The following KDM4C variants were observed in gnomAD, a reference collection of about 807,000 sequenced individuals.
KDM4C encodes the protein lysine-specific demethylase 4C.
A neutral mutation model predicts 129.3 loss-of-function variants in KDM4C; 81 were observed. That is an observed-to-expected ratio of 0.63 (90% confidence interval 0.52 to 0.75). KDM4C has a LOEUF of 0.75. KDM4C is among the 30% of genes least tolerant of loss of function. The pLI is 0.00. For missense variants in KDM4C, 1,457 were observed against 1,304.0 expected, an observed-to-expected ratio of 1.12 and a Z score of -1.81; for synonymous variants, 573 against 456.1, an observed-to-expected ratio of 1.26 and a Z score of -3.26.
At chr9:6,856,882 C>T (rs1410157833) in intron 5 of KDM4C, among the ~76,000 whole-genome samples, 8 of 151,764 alleles carry the variant, frequency 5.3e-5, no homozygotes, top group East Asian at 3.9e-4. Context: ...CTCAGCCTCC[C>T]GAGTAGCTGG....
At chr9:7,027,240 T>C (rs979250693) in intron 15 of KDM4C, among the ~76,000 whole-genome samples, 4 of 152,192 alleles carry the variant, frequency 2.6e-5, no homozygotes, top group Admixed American at 2.6e-4. Flanking sequence ...GGGAAGGCTT[T>C]CCAGGTATTT....
Position 6,865,157 on chromosome 9 carries a change from C to T in KDM4C, c.630-14855C>T, listed in dbSNP as rs189806071. Among the ~76,000 whole-genome samples the T allele has an allele frequency of 3.9e-3, 596 of 151,912 alleles. 4 individuals carry two copies. The highest frequency in any genetic ancestry group is 0.012 in the African/African-American group (510 of 41,450). ...CCGAGTAGCTGGGACTGCAGGTGCC[C>T]GCCACCACACCTGGCTAATTTTTTG... is the stretch of plus-strand genomic sequence containing the variant. On this transcript the variant is annotated intron_variant, in intron 5 of 21. Transcript: ENST00000381309.
chr9:6,802,820 T>TG (rs1829261388), intron 2 of KDM4C, among the ~76,000 whole-genome samples: 1 of 152,238 alleles, frequency 6.6e-6, no homozygotes, highest in Non-Finnish European at 1.5e-5. Context: ...TTGGCCAAGC[T>TG]GATCTTAAAC....
intron 1 of KDM4C, among the ~76,000 whole-genome samples, chr9:6,784,828 C>T (rs1825133633): frequency 6.6e-6 from 1 of 152,210 alleles, no homozygotes; most frequent in Non-Finnish European, 1.5e-5. Flanking sequence ...CTGGGGGGCC[C>T]TTTCAAGCCC....
intron 1 of KDM4C, among the ~76,000 whole-genome samples, chr9:6,773,911 T>G (rs1319676722): frequency 6.6e-6 from 1 of 151,874 alleles, no homozygotes; most frequent in Non-Finnish European, 1.5e-5. Context: ...AGGCATTTAT[T>G]TTATTTATTT....
At position 6,927,481 on chromosome 9, in the gene KDM4C, A is replaced by T. The variant is rs574025128; in HGVS notation, c.921+34249A>T. 3.9e-5 allele frequency among the ~76,000 whole-genome samples: 6 copies of T among 152,228 alleles called. No homozygotes were observed. The South Asian group carries it at 1.2e-3, about 32-fold the overall frequency. ...AGTAACTGTAGCTTCTATATTTTATAATGCTTCTGATCATGTTGACCTGTG... is the reference window on the plus strand; with the variant it reads ...AGTAACTGTAGCTTCTATATTTTATTATGCTTCTGATCATGTTGACCTGTG... On this transcript the variant is annotated intron_variant, in intron 8 of 21. Transcript: ENST00000381309.
intron 19 of KDM4C, among the ~76,000 whole-genome samples, chr9:7,138,975 T>C (rs1460338815): frequency 6.6e-6 from 1 of 152,056 alleles, no homozygotes; most frequent in Non-Finnish European, 1.5e-5. Context: ...TTTCTAGCCT[T>C]TAATTAATAA....
intron 8 of KDM4C, among the ~76,000 whole-genome samples, chr9:6,943,158 G>A (rs2131414884): frequency 6.6e-6 from 1 of 152,200 alleles, no homozygotes; most frequent in Non-Finnish European, 1.5e-5. Context: ...GATTTGTGAG[G>A]TACTGAGCCT....
At chr9:6,814,343 A>T (rs1482289498) in intron 3 of KDM4C, among the ~76,000 whole-genome samples, 1 of 152,188 alleles carries the variant, frequency 6.6e-6, no homozygotes, top group African/African-American at 2.4e-5. Flanking sequence ...TTTTAAAAAT[A>T]CTTTAAAGCT....
At chr9:7,006,387 G>C (rs764877137) in intron 12 of KDM4C, among the ~76,000 whole-genome samples, 1 of 152,146 alleles carries the variant, frequency 6.6e-6, no homozygotes, top group African/African-American at 2.4e-5. Context: ...TTGAGCATCA[G>C]AGGTGATACT....
At chr9:7,137,920 G>A (rs1278698457) in intron 19 of KDM4C, among the ~76,000 whole-genome samples, 1 of 152,114 alleles carries the variant, frequency 6.6e-6, no homozygotes, top group Non-Finnish European at 1.5e-5. Flanking sequence ...ATTCTTATTC[G>A]ATAGATATAT....
chr9:6,864,016 C>G (rs1841474637), intron 5 of KDM4C, among the ~76,000 whole-genome samples: 1 of 152,166 alleles, frequency 6.6e-6, no homozygotes. Flanking sequence ...GGTCAAATAT[C>G]AAACCATATC....
chr9:6,832,051 A>G (rs1259255613), intron 4 of KDM4C, among the ~76,000 whole-genome samples: 1 of 152,098 alleles, frequency 6.6e-6, no homozygotes, highest in South Asian at 2.1e-4. Context: ...AAATAGTTGA[A>G]TTTGTCGGCT....
chr9:6,898,839 A>T (rs1308149210), intron 8 of KDM4C, among the ~76,000 whole-genome samples: 2 of 152,086 alleles, frequency 1.3e-5, no homozygotes, highest in African/African-American at 4.8e-5. Context: ...ACAATCAGGG[A>T]TCATTTTTGT....
chr9:6,818,464 A>G (rs965314902), intron 4 of KDM4C, among the ~76,000 whole-genome samples: 5 of 152,228 alleles, frequency 3.3e-5, no homozygotes, highest in Non-Finnish European at 7.3e-5. Flanking sequence ...GATAAAGGTG[A>G]GGGCTCAGAG....
intron 15 of KDM4C, among the ~76,000 whole-genome samples, chr9:7,046,354 G>A (rs75528126): frequency 2.0e-5 from 3 of 151,898 alleles, no homozygotes; most frequent in Non-Finnish European, 2.9e-5. Context: ...AGAGTGAGGC[G>A]CAAGTGTTAC....
chr9:7,069,756 A>AT (rs1225033682), intron 17 of KDM4C, among the ~76,000 whole-genome samples: 9 of 152,210 alleles, frequency 5.9e-5, no homozygotes, highest in Admixed American at 5.9e-4. Flanking sequence ...GACTCCCTAA[A>AT]TGGGTAAAGG....
chr9:7,086,369 C>G (rs754948483), intron 17 of KDM4C, among the ~76,000 whole-genome samples: 1 of 152,216 alleles, frequency 6.6e-6, no homozygotes, highest in African/African-American at 2.4e-5. Context: ...ATAGTTATTA[C>G]TCTGTTGAGT....
intron 19 of KDM4C, among the ~76,000 whole-genome samples, chr9:7,139,997 A>G (rs1841578518): frequency 6.6e-6 from 1 of 152,240 alleles, no homozygotes. Context: ...GAGAGACCAC[A>G]TGGGCAGCTT....
Sources: gnomAD v4.1 joint callset for allele counts (sites outside exome capture counted in the v4.1 genomes callset) on GRCh38, gnomAD v4.1.1 for gene constraint, MANE v1.5 for transcripts, NCBI Gene and HGNC (gene_info 2026-07-23, HGNC 2026-07-21) for gene names.